SLC35D1: variants seen among roughly 807,000 people sequenced by gnomAD.
The protein encoded by SLC35D1 is solute carrier family 35 member D1, also known as nucleotide sugar transporter SLC35D1.
In SLC35D1, 31 loss-of-function variants were observed where a neutral mutation model predicts 46.7. The ratio of observed to expected loss-of-function variants is 0.66; its 90% confidence interval spans 0.50 to 0.90. SLC35D1 has a LOEUF of 0.90. Ranked by LOEUF, SLC35D1 falls within the 40% of genes least tolerant of loss-of-function variation. The pLI, the probability that SLC35D1 is intolerant of heterozygous loss-of-function variation, is 0.00. For missense variants in SLC35D1, 397 were observed against 426.2 expected (o/e 0.93, Z 0.60); for synonymous variants, 195 against 164.6 (o/e 1.18, Z -1.41).
chr1:67,020,460 AAG>A lies in SLC35D1; in HGVS notation c.798-15_798-14del. 1 of 1,573,152 alleles carries A rather than the reference AAG, an allele frequency of 6.4e-7. No homozygotes were observed. The highest frequency in any genetic ancestry group is 8.7e-7 in the Non-Finnish European group (1 of 1,142,994). On this transcript the variant is annotated splice_polypyrimidine_tract_variant and intron_variant, in intron 9 of 11. Coordinates refer to ENST00000235345, the MANE Select transcript of SLC35D1 (RefSeq NM_015139.3). ...CATTAAGATAAACCTAGAATGAAGA[AAG>A]AGGTATAAAATCCAGTTTCTCACTT...
chr1:66,985,661 T>C, the SLC35D1 span: 1 of 985,068 alleles, frequency 1.0e-6, no homozygotes, highest in East Asian at 1.1e-4. Flanking sequence ...ACTTGTACAG[T>C]TGGTAAACTT....
In SLC35D1 at chr1:67,021,694, AACACAGACACAGACACAGACACAG is replaced by A. The variant is rs66866662; in HGVS notation, c.730-116_730-93del. On this transcript the variant is annotated intron_variant, in intron 8 of 11. Coordinates refer to ENST00000235345, the MANE Select transcript of SLC35D1 (RefSeq NM_015139.3). ...TAAATCCTTCTACGAGTCTGCCTCC[AACACAGACACAGACACAGACACAG>A]ACACAGACACACACACACACACACA... 1.4e-4 allele frequency: 43 copies of A among 299,386 alleles called. 1 individual carries two copies. Among genetic ancestry groups the A allele is most frequent in the Middle Eastern group, 7.9e-4 (1 of 1,268 alleles). The allele number at this position is 299,386 out of a possible 1,614,324, so 18.5% of individuals were successfully genotyped here.
At chr1:66,978,856 A>G in the SLC35D1 span, among the ~76,000 whole-genome samples, 1 of 152,146 alleles carries the variant, frequency 6.6e-6, no homozygotes, top group Non-Finnish European at 1.5e-5. Flanking sequence ...TGTGCCACCA[A>G]ATGTTCTAAT....
intron 8 of SLC35D1, among the ~76,000 whole-genome samples, chr1:67,040,719 G>C (rs372166692): frequency 2.6e-5 from 4 of 152,136 alleles, no homozygotes; most frequent in Non-Finnish European, 5.9e-5. Flanking sequence ...CTTGGAACCT[G>C]CTCTTCCTTG....
chr1:67,028,990 T>G (rs1667968278), intron 8 of SLC35D1, among the ~76,000 whole-genome samples: 1 of 152,224 alleles, frequency 6.6e-6, no homozygotes, highest in African/African-American at 2.4e-5. Context: ...TGTTGTTTGA[T>G]AAATGTTTGA....
intron 10 of SLC35D1, among the ~76,000 whole-genome samples, chr1:67,011,592 C>G (rs1244644138): frequency 6.6e-6 from 1 of 152,180 alleles, no homozygotes; most frequent in African/African-American, 2.4e-5. Context: ...AAGCAATCCT[C>G]CCACCTCAGC....
At chr1:66,976,529 G>C in the SLC35D1 span, 2 of 1,458,800 alleles carry the variant, frequency 1.4e-6, no homozygotes, top group Non-Finnish European at 1.8e-6. Flanking sequence ...TCAAACTTCA[G>C]ATGTTTATCA....
chr1:66,981,964 C>CT, the SLC35D1 span: 20 of 1,600,314 alleles, frequency 1.2e-5, no homozygotes, highest in Non-Finnish European at 1.6e-5. Context: ...ATAAGGGACA[C>CT]TTTCTTGCAG....
the SLC35D1 span, chr1:66,985,831 T>C: frequency 3.0e-4 from 258 of 848,008 alleles, no homozygotes; most frequent in Non-Finnish European, 3.4e-4. Context: ...TTTTTTTTTT[T>C]TTTTTTAAAT....
At chr1:67,009,352 C>A (rs1487134627) in intron 10 of SLC35D1, among the ~76,000 whole-genome samples, 185 bp from the exon 11 acceptor site, 4 of 152,112 alleles carry the variant, frequency 2.6e-5, no homozygotes, top group Admixed American at 1.3e-4. Flanking sequence ...GTGACATTAG[C>A]CTCTTCCCAA....
At chr1:67,014,044 A>G (rs1043194556) in intron 10 of SLC35D1, among the ~76,000 whole-genome samples, 6 of 152,148 alleles carry the variant, frequency 3.9e-5, no homozygotes, top group African/African-American at 1.4e-4. Flanking sequence ...CTTTCCACAT[A>G]TTTTAATTAT....
At chr1:66,997,436 G>C (rs565897314), downstream of SLC35D1, among the ~76,000 whole-genome samples, 1 of 148,820 alleles carries the variant, frequency 6.7e-6, no homozygotes, top group Non-Finnish European at 1.5e-5. Context: ...CCAGGAAATT[G>C]AGGCTGCAGT....
intron 8 of SLC35D1, among the ~76,000 whole-genome samples, chr1:67,041,320 C>T (rs562543119): frequency 6.2e-4 from 94 of 152,242 alleles, no homozygotes; most frequent in African/African-American, 2.2e-3. Context: ...TGTACCAGTT[C>T]TTTAAAAGAA....
the SLC35D1 span, among the ~76,000 whole-genome samples, chr1:66,992,998 G>A: frequency 6.6e-6 from 1 of 152,204 alleles, no homozygotes; most frequent in African/African-American, 2.4e-5. Flanking sequence ...TGTAAGACTT[G>A]CTCTTTCCAA....
At chr1:67,039,594 A>C (rs752492353) in intron 8 of SLC35D1, among the ~76,000 whole-genome samples, 1 of 151,714 alleles carries the variant, frequency 6.6e-6, no homozygotes, top group Admixed American at 6.6e-5. Flanking sequence ...ACCATTTTGC[A>C]CTGTGCTTTT....
rs1433512079 is a variant in SLC35D1 at position 67,000,386 on chromosome 1, T to G, written c.*3954A>C. On this transcript the variant is annotated 3_prime_UTR_variant, in exon 12 of 12. Coordinates refer to ENST00000235345, the MANE Select transcript of SLC35D1 (RefSeq NM_015139.3). ...TGTCACAATATAAAAGAAATTTTGT[T>G]CTTTTTAAAAAATAGGTAGAATCAC... is the stretch of plus-strand genomic sequence containing the variant. 1 of 152,142 alleles carries G rather than the reference T, an allele frequency of 6.6e-6. No homozygotes were observed. The highest frequency in any genetic ancestry group is 1.5e-5 in the Non-Finnish European group (1 of 67,996). 9.4% of individuals were successfully genotyped at this position (152,142 alleles called of 1,614,324 possible). A position where few individuals can be genotyped will look rare whatever the true frequency, so the allele number is the denominator to read the frequency against.
At chr1:67,047,138 TACCCTCAGAGAGCC>T (rs1370863814) in intron 7 of SLC35D1, 113 bp downstream of exon 7, 21 of 708,432 alleles carry the variant, frequency 3.0e-5, no homozygotes, top group Non-Finnish European at 5.0e-5. Flanking sequence ...ACAGGAATTT[TACCCTCAGAGAGCC>T]ACTATGTCTT....
chr1:66,975,794 A>G, the SLC35D1 span, among the ~76,000 whole-genome samples: 2 of 152,154 alleles, frequency 1.3e-5, no homozygotes, highest in South Asian at 4.1e-4. Flanking sequence ...GATACTTTTA[A>G]CTCACTGTGG....
At chr1:67,030,452 AAG>A (rs999663690) in intron 8 of SLC35D1, among the ~76,000 whole-genome samples, 9 of 152,184 alleles carry the variant, frequency 5.9e-5, no homozygotes, top group African/African-American at 2.2e-4. Flanking sequence ...CATATGTAAA[AAG>A]AGGAATAATA....
Sources: allele counts gnomAD v4.1 joint callset (sites outside exome capture counted in the v4.1 genomes callset), GRCh38; gene constraint gnomAD v4.1.1; transcripts MANE v1.5; gene names NCBI Gene and HGNC (gene_info 2026-07-23, HGNC 2026-07-21).